UBE2J2: variants seen among roughly 807,000 people sequenced by gnomAD.
The protein encoded by UBE2J2 is ubiquitin conjugating enzyme E2 J2.
In UBE2J2, 5 loss-of-function variants were observed where a neutral mutation model predicts 28.6. The observed-to-expected ratio is 0.17, with a 90% confidence interval of 0.09 to 0.37. The LOEUF is 0.37. UBE2J2 is among the 10% of genes least tolerant of loss of function. The probability of loss-of-function intolerance (pLI) is 1.00; values close to 1 mark genes in which losing one functional copy is unlikely to be tolerated. For missense variants in UBE2J2, 226 were observed against 338.9 expected (o/e 0.67, Z 2.62); for synonymous variants, 138 against 139.7 (o/e 0.99, Z 0.09).
intron 3 of UBE2J2, among the ~76,000 whole-genome samples, chr1:1,258,017 A>G (rs1243806158): frequency 6.6e-6 from 1 of 150,662 alleles, no homozygotes; most frequent in African/African-American, 2.4e-5. Flanking sequence ...AGGGTCACCC[A>G]CACGTTCCCA....
chr1:1,261,611 C>G (rs1639564277), intron 3 of UBE2J2, among the ~76,000 whole-genome samples: 1 of 151,326 alleles, frequency 6.6e-6, no homozygotes, highest in African/African-American at 2.4e-5. Flanking sequence ...AAATGTAAAG[C>G]TGGCATAATT....
intron 5 of UBE2J2, chr1:1,256,343 G>A (rs1053822219): frequency 1.5e-5 from 7 of 474,700 alleles, no homozygotes; most frequent in Admixed American, 7.6e-5. Context: ...ATTAAAGACA[G>A]GGAAAAACAA....
chr1:1,259,679 C>A (rs1248984836), intron 3 of UBE2J2, among the ~76,000 whole-genome samples: 4 of 152,196 alleles, frequency 2.6e-5, no homozygotes, highest in African/African-American at 9.7e-5. Flanking sequence ...TCCACCCAGA[C>A]GCCCGCCCTA....
At chr1:1,271,825 T>C (rs1259682369) in intron 1 of UBE2J2, among the ~76,000 whole-genome samples, 3 of 151,488 alleles carry the variant, frequency 2.0e-5, no homozygotes, top group East Asian at 3.9e-4. Context: ...AAATACAAAA[T>C]TAATCAGGCA....
At chr1:1,257,781 G>A (rs898182808) in intron 3 of UBE2J2, among the ~76,000 whole-genome samples, 5 of 151,920 alleles carry the variant, frequency 3.3e-5, no homozygotes, top group Non-Finnish European at 2.9e-5. Flanking sequence ...AGCACCGTTT[G>A]CTTCCCCGAC....
intron 3 of UBE2J2, chr1:1,263,139 G>A (rs551612919): frequency 3.0e-5 from 17 of 562,974 alleles, no homozygotes; most frequent in African/African-American, 2.2e-4. Flanking sequence ...CGCTACAGGC[G>A]GCCCTGCAGG....
At chr1:1,259,054 C>CGTGTGTGCATGT (rs1422000913) in intron 3 of UBE2J2, among the ~76,000 whole-genome samples, 1 of 148,080 alleles carries the variant, frequency 6.8e-6, no homozygotes, top group Non-Finnish European at 1.5e-5. Flanking sequence ...TCAGGACGCA[C>CGTGTGTGCATGT]GTGTGTGCAT....
At chr1:1,266,144 C>T in intron 2 of UBE2J2, 2 of 1,303,860 alleles carry the variant, frequency 1.5e-6, no homozygotes, top group South Asian at 1.2e-5. Flanking sequence ...ACACTGGGGG[C>T]AGAGAGCACT....
At chr1:1,255,569 G>A (rs1023947188) in intron 6 of UBE2J2, 82 bp from the exon 7 acceptor site, 31 of 1,468,724 alleles carry the variant, frequency 2.1e-5, no homozygotes, top group East Asian at 6.8e-5. Context: ...AGGAGTCCAC[G>A]GTCCACCACC....
intron 2 of UBE2J2, chr1:1,266,289 C>A: frequency 8.3e-6 from 7 of 843,312 alleles, no homozygotes; most frequent in Non-Finnish European, 1.1e-5. Flanking sequence ...AATATCTTTT[C>A]TCTGGAATTA....
At chr1:1,262,291 C>T (rs1432714076) in intron 3 of UBE2J2, 3 of 455,628 alleles carry the variant, frequency 6.6e-6, no homozygotes, top group South Asian at 3.1e-5. Context: ...GCATCCCCAA[C>T]GCTGGTCATG....
At chr1:1,259,053 ACG>A (rs1639385695) in intron 3 of UBE2J2, among the ~76,000 whole-genome samples, 1 of 148,444 alleles carries the variant, frequency 6.7e-6, no homozygotes, top group African/African-American at 2.5e-5. Context: ...ATCAGGACGC[ACG>A]TGTGTGCATG....
In UBE2J2 at chr1:1,256,919, G is replaced by T. The variant is rs1471447056; in HGVS notation, c.414+73C>A. On this transcript the variant is annotated intron_variant, in intron 5 of 6. Transcript: ENST00000349431. ...AAAAAAAAAAAAAAAAAAGGCAGCT[G>T]CAACTCAGGAACAGAGAACAGCCCC... is the stretch of plus-strand genomic sequence containing the variant. 154 of 1,030,076 alleles carry T rather than the reference G, an allele frequency of 1.5e-4. No individual in the cohort carries two copies. In the African/African-American group the frequency reaches 2.3e-3, roughly 15 times the overall value. 63.8% of individuals were successfully genotyped at this position (1,030,076 alleles called of 1,614,324 possible). A position where few individuals can be genotyped will look rare whatever the true frequency, so the allele number is the denominator to read the frequency against.
Position 1,268,079 on chromosome 1 carries a change from A to C in UBE2J2, c.1-87T>G. The C allele has an allele frequency of 1.3e-6, 2 of 1,558,814 alleles. No individual in the cohort carries two copies. Among genetic ancestry groups the C allele is most frequent in the Admixed American group, 3.4e-5 (2 of 58,272 alleles). Reference sequence around the variant, plus strand: ...GGCGCAGCCCCACTCCCGCCTCTGCAGCCCGCCATTCATTCAGGGCCCGGT... The same window carrying C: ...GGCGCAGCCCCACTCCCGCCTCTGCCGCCCGCCATTCATTCAGGGCCCGGT... On this transcript the variant is annotated intron_variant, in intron 1 of 6. Transcript: ENST00000349431. The surrounding 1 kb of genome is among the most constrained non-coding windows in gnomAD (Gnocchi z 4.7).
At chr1:1,261,289 ATT>A (rs1228464645) in intron 3 of UBE2J2, among the ~76,000 whole-genome samples, 2 of 152,186 alleles carry the variant, frequency 1.3e-5, no homozygotes, top group Non-Finnish European at 2.9e-5. Flanking sequence ...AGGAACACAC[ATT>A]CTCTCTCTGA....
chr1:1,268,672 G>A lies in UBE2J2; in HGVS notation c.1-680C>T, dbSNP rs1016985477. Among the ~76,000 whole-genome samples, 2 of 152,140 alleles carry A rather than the reference G, an allele frequency of 1.3e-5. No homozygotes were observed. Among genetic ancestry groups the A allele is most frequent in the African/African-American group, 2.4e-5 (1 of 41,434 alleles). On this transcript the variant is annotated intron_variant, in intron 1 of 6. Coordinates refer to ENST00000349431, the MANE Select transcript of UBE2J2 (RefSeq NM_058167.3). The surrounding 1 kb of genome is among the most constrained non-coding windows in gnomAD (Gnocchi z 4.7). ...TGAGGGCAGGGATAAGACTGGCCAG[G>A]GAGGCAGGGCCAGGGCATAAGAGTT...
In UBE2J2 at chr1:1,256,979, C is replaced by T. The variant is rs370798540; in HGVS notation, c.414+13G>A. The T allele has an allele frequency of 1.5e-4, 230 of 1,532,366 alleles. 1 individual carries two copies. Among genetic ancestry groups the T allele is most frequent in the Non-Finnish European group, 2.0e-4 (224 of 1,137,210 alleles). The allele number at this position is 1,532,366 out of a possible 1,614,324, so 94.9% of individuals were successfully genotyped here. ...AGGCTGACGGCCCACCAGGGAGAGG[C>T]TCTAAAACTTACCGTGAAGTCCGAC... On this transcript the variant is annotated intron_variant, in intron 5 of 6. Transcript: ENST00000349431.
intron 2 of UBE2J2, chr1:1,267,603 C>CT (rs1639942600): frequency 2.2e-6 from 2 of 912,750 alleles, no homozygotes; most frequent in Non-Finnish European, 3.0e-6. Flanking sequence ...CCCCGCCCCC[C>CT]TCAAGGGCCC....
chr1:1,269,736 T>C (rs1640054231), intron 1 of UBE2J2, among the ~76,000 whole-genome samples: 2 of 152,172 alleles, frequency 1.3e-5, no homozygotes, highest in Non-Finnish European at 2.9e-5. Context: ...AGTGCTGGGA[T>C]TACAGGCGTG....
Sources: gnomAD v4.1 joint callset for allele counts (sites outside exome capture counted in the v4.1 genomes callset) on GRCh38, gnomAD v4.1.1 for gene constraint, Gnocchi (gnomAD v3.1) non-coding constraint, MANE v1.5 for transcripts, NCBI Gene and HGNC (gene_info 2026-07-23, HGNC 2026-07-21) for gene names.